The following ZBTB7C variants were observed in gnomAD, a reference collection of about 807,000 sequenced individuals.
The protein encoded by ZBTB7C is zinc finger and BTB domain containing 7C, also known as zinc finger and BTB domain-containing protein 7C.
ZBTB7C carries 8 observed loss-of-function variants against 25.7 expected under a neutral mutation model. The observed-to-expected ratio is 0.31, with a 90% confidence interval of 0.18 to 0.56. ZBTB7C has a LOEUF of 0.56. ZBTB7C is among the 20% of genes least tolerant of loss of function. The probability of loss-of-function intolerance (pLI) is 0.91; values close to 1 mark genes in which losing one functional copy is unlikely to be tolerated. For missense variants in ZBTB7C, 824 were observed against 855.2 expected, an observed-to-expected ratio of 0.96 and a Z score of 0.46; for synonymous variants, 394 against 369.0, an observed-to-expected ratio of 1.07 and a Z score of -0.78.
At chr18:48,268,299 T>A (rs2044372642) in intron 2 of ZBTB7C, among the ~76,000 whole-genome samples, 1 of 152,212 alleles carries the variant, frequency 6.6e-6, no homozygotes, top group Admixed American at 6.5e-5. Context: ...AGACACTTGT[T>A]TAAAATGGCA....
chr18:48,277,385 C>T (rs1370755333), intron 2 of ZBTB7C, among the ~76,000 whole-genome samples: 1 of 151,552 alleles, frequency 6.6e-6, no homozygotes, highest in African/African-American at 2.4e-5. Context: ...AGCCAAAAAA[C>T]ACATGAAAAA....
chr18:48,106,689 A>G (rs574261164), intron 3 of ZBTB7C, among the ~76,000 whole-genome samples: 8 of 152,300 alleles, frequency 5.3e-5, no homozygotes, highest in Admixed American at 5.2e-4. Context: ...TACATCAGTC[A>G]TGCCTCAATA....
intron 2 of ZBTB7C, among the ~76,000 whole-genome samples, chr18:48,334,825 G>C (rs1439646992): frequency 6.6e-6 from 1 of 152,236 alleles, no homozygotes; most frequent in Non-Finnish European, 1.5e-5. Context: ...GGAGGCAGGA[G>C]ACAGAGGGAT....
At chr18:48,207,365 T>C (rs2042599257) in intron 2 of ZBTB7C, among the ~76,000 whole-genome samples, 1 of 152,198 alleles carries the variant, frequency 6.6e-6, no homozygotes, top group African/African-American at 2.4e-5. Flanking sequence ...ATGAGAATAT[T>C]CACAGCAGCA....
rs148162352 is a variant in ZBTB7C, at chr18:48,359,346, G to A, written c.-303-20948C>T. The stretch of plus-strand genomic sequence containing the variant: ...AGGTCTAGAAAGAGGAAACTATGAA[G>A]ATGATCAAAACATGACTTTCAAAGA... On this transcript the variant is annotated intron_variant, in intron 1 of 4. Transcript: ENST00000590800. Among the ~76,000 whole-genome samples, 5 of 120,470 alleles carry A rather than the reference G, an allele frequency of 4.2e-5. No homozygotes were observed. In the East Asian group the frequency reaches 8.4e-4, roughly 20 times the overall value. 79.0% of individuals were successfully genotyped at this position (120,470 alleles called of 152,430 possible).
At chr18:48,224,749 T>A (rs879373883) in intron 2 of ZBTB7C, among the ~76,000 whole-genome samples, 1 of 152,160 alleles carries the variant, frequency 6.6e-6, no homozygotes. Context: ...ATCACAGTTA[T>A]CTTTCAGAGT....
In ZBTB7C at chr18:48,201,348, G is replaced by A. The variant is rs543529433; in HGVS notation, c.-78-15353C>T. On this transcript the variant is annotated intron_variant, in intron 2 of 4. Coordinates refer to ENST00000590800, the MANE Select transcript of ZBTB7C (RefSeq NM_001318841.2). Reference sequence around the variant, plus strand: ...GGGAAGCAAAGGTATAGCCCAGGATGTAAATCCAGGGGACGGTAGGCCCCA... The same window carrying A: ...GGGAAGCAAAGGTATAGCCCAGGATATAAATCCAGGGGACGGTAGGCCCCA... Among the ~76,000 whole-genome samples the A allele has an allele frequency of 3.9e-5, 6 of 152,318 alleles. No individual in the cohort carries two copies. In the South Asian group the frequency reaches 8.3e-4, roughly 21 times the overall value.
intron 3 of ZBTB7C, among the ~76,000 whole-genome samples, chr18:48,132,090 T>C (rs1030410943): frequency 1.3e-5 from 2 of 152,196 alleles, no homozygotes; most frequent in African/African-American, 4.8e-5. Flanking sequence ...TTGCAAATGA[T>C]TGTTCAAAAC....
intron 3 of ZBTB7C, among the ~76,000 whole-genome samples, chr18:48,063,341 C>A (rs772202175): frequency 1.3e-5 from 2 of 152,214 alleles, no homozygotes; most frequent in Non-Finnish European, 2.9e-5. Flanking sequence ...CCTGTCCTGT[C>A]CCATTCAATG....
intron 3 of ZBTB7C, among the ~76,000 whole-genome samples, chr18:48,110,614 T>C (rs1253469345): frequency 6.6e-6 from 1 of 152,208 alleles, no homozygotes; most frequent in African/African-American, 2.4e-5. Context: ...ATTTGCTTCA[T>C]CATTTGGCCT....
intron 2 of ZBTB7C, among the ~76,000 whole-genome samples, chr18:48,337,701 T>C (rs1259356965): frequency 6.6e-6 from 1 of 152,228 alleles, no homozygotes; most frequent in Non-Finnish European, 1.5e-5. Context: ...CACCTGTCAT[T>C]TGACATATCT....
chr18:48,368,702 T>A (rs1046965818), intron 1 of ZBTB7C, among the ~76,000 whole-genome samples: 2 of 151,878 alleles, frequency 1.3e-5, no homozygotes, highest in Non-Finnish European at 2.9e-5. Flanking sequence ...CAGAGAGAAA[T>A]AAAATCTTAC....
chr18:48,141,909 A>G (rs2144836827), intron 3 of ZBTB7C, among the ~76,000 whole-genome samples: 1 of 152,320 alleles, frequency 6.6e-6, no homozygotes, highest in Non-Finnish European at 1.5e-5. Context: ...TTGTAATGGC[A>G]TGGCTCTATC....
intron 2 of ZBTB7C, among the ~76,000 whole-genome samples, chr18:48,209,182 A>G (rs1037806792): frequency 6.6e-6 from 1 of 152,198 alleles, no homozygotes; most frequent in South Asian, 2.1e-4. Flanking sequence ...GAGGCAATGG[A>G]TGCTCCAAGT....
chr18:48,049,932 G>A (rs575646352), intron 3 of ZBTB7C, among the ~76,000 whole-genome samples: 3 of 152,240 alleles, frequency 2.0e-5, no homozygotes, highest in African/African-American at 4.8e-5. Context: ...CCACTATCCC[G>A]GAAGCTGTCC....
At chr18:48,385,988 T>C (rs991411472) in intron 1 of ZBTB7C, among the ~76,000 whole-genome samples, 14 of 152,324 alleles carry the variant, frequency 9.2e-5, no homozygotes, top group African/African-American at 3.4e-4. Flanking sequence ...TTATACAATA[T>C]GTGAACTAGA....
chr18:48,034,862 T>G (rs1443024870), intron 4 of ZBTB7C, among the ~76,000 whole-genome samples: 3 of 152,124 alleles, frequency 2.0e-5, no homozygotes, highest in East Asian at 1.9e-4. Flanking sequence ...TGAGTCCTCA[T>G]GAGCTCATTC....
intron 3 of ZBTB7C, among the ~76,000 whole-genome samples, chr18:48,050,058 G>A (rs1307326113): frequency 6.6e-6 from 1 of 152,198 alleles, no homozygotes; most frequent in Admixed American, 6.5e-5. Flanking sequence ...GGTGAGAAGG[G>A]ATGTGGATTT....
At chr18:48,071,129 A>G (rs775484191) in intron 3 of ZBTB7C, among the ~76,000 whole-genome samples, 1 of 152,232 alleles carries the variant, frequency 6.6e-6, no homozygotes, top group Non-Finnish European at 1.5e-5. Context: ...GGATTTCCAG[A>G]GACTTCAGAT....
Sources: allele counts gnomAD v4.1 joint callset (sites outside exome capture counted in the v4.1 genomes callset), GRCh38; gene constraint gnomAD v4.1.1; transcripts MANE v1.5; gene names NCBI Gene and HGNC (gene_info 2026-07-23, HGNC 2026-07-21).